GLIS3: variants seen among roughly 807,000 people sequenced by gnomAD.
GLIS3 encodes the protein zinc finger protein GLIS3.
GLIS3 carries 53 observed loss-of-function variants against 78.6 expected under a neutral mutation model. The observed-to-expected ratio is 0.67, with a 90% CI of 0.54 to 0.85. The LOEUF is 0.85. GLIS3 is among the 40% of genes least tolerant of loss of function. The pLI, the probability that GLIS3 is intolerant of heterozygous loss-of-function variation, is 0.00. For missense variants in GLIS3, 1,703 were observed against 1,231.1 expected, an observed-to-expected ratio of 1.38 and a Z score of -5.74; for synonymous variants, 684 against 509.9, an observed-to-expected ratio of 1.34 and a Z score of -4.60.
chr9:4,220,031 A>C (rs1821183367), intron 2 of GLIS3, among the ~76,000 whole-genome samples: 1 of 152,242 alleles, frequency 6.6e-6, no homozygotes, highest in South Asian at 2.1e-4. Context: ...CCAAAAAGTA[A>C]GGAATTGATC....
At chr9:4,047,430 A>T (rs1252083768) in intron 4 of GLIS3, among the ~76,000 whole-genome samples, 1 of 152,122 alleles carries the variant, frequency 6.6e-6, no homozygotes, top group Non-Finnish European at 1.5e-5. Context: ...TTATTTTTAT[A>T]TTACTTTTTT....
chr9:3,928,231 A>G (rs1467609162), intron 6 of GLIS3, among the ~76,000 whole-genome samples: 6 of 152,216 alleles, frequency 3.9e-5, no homozygotes, highest in South Asian at 2.1e-4. Context: ...TGTCTGTGAT[A>G]TGTGCCTATT....
chr9:4,381,417 C>T, the GLIS3 span, among the ~76,000 whole-genome samples: 1 of 152,190 alleles, frequency 6.6e-6, no homozygotes, highest in Admixed American at 6.5e-5. Context: ...ATCCCCAGAG[C>T]CTAACAGTAT....
chr9:4,298,570 C>G (rs950972238), intron 1 of GLIS3: 1 of 312,546 alleles, frequency 3.2e-6, no homozygotes, highest in Non-Finnish European at 6.4e-6. Context: ...CGACCCGGGC[C>G]GACTTCAAAA....
At chr9:4,432,576 T>C in the GLIS3 span, among the ~76,000 whole-genome samples, 1 of 152,034 alleles carries the variant, frequency 6.6e-6, no homozygotes. Context: ...ACACAAGCCT[T>C]GTGTTCCAAA....
At chr9:4,300,565 G>A (rs919422829), upstream of GLIS3, among the ~76,000 whole-genome samples, 1 of 152,156 alleles carries the variant, frequency 6.6e-6, no homozygotes, top group African/African-American at 2.4e-5. Context: ...TATAGGCAGG[G>A]AAGAGAGGAA....
At chr9:3,935,345 C>CA (rs1163021120) in intron 5 of GLIS3, among the ~76,000 whole-genome samples, 2 of 150,812 alleles carry the variant, frequency 1.3e-5, no homozygotes, top group African/African-American at 2.4e-5. Flanking sequence ...ATAATTTTTC[C>CA]AAAAAAAATA....
chr9:3,839,043 C>T (rs1280000247), intron 9 of GLIS3, among the ~76,000 whole-genome samples: 2 of 152,208 alleles, frequency 1.3e-5, no homozygotes, highest in Non-Finnish European at 2.9e-5. Flanking sequence ...ATCATACACT[C>T]ACTACCTACA....
chr9:3,840,818 C>A (rs1320069219), intron 9 of GLIS3, among the ~76,000 whole-genome samples: 4 of 152,222 alleles, frequency 2.6e-5, no homozygotes, highest in Admixed American at 1.3e-4. Context: ...CCACAGCGAG[C>A]TGCACTCTGA....
the GLIS3 span, among the ~76,000 whole-genome samples, chr9:4,407,304 A>G: frequency 6.6e-6 from 1 of 152,264 alleles, no homozygotes; most frequent in Non-Finnish European, 1.5e-5. Flanking sequence ...AAAATAAATT[A>G]AAGACTTAAA....
intron 4 of GLIS3, among the ~76,000 whole-genome samples, chr9:4,107,367 G>T (rs557892000): frequency 1.3e-5 from 2 of 152,192 alleles, no homozygotes; most frequent in East Asian, 3.9e-4. Flanking sequence ...GAGTGCTGCC[G>T]AATGGGATAA....
At chr9:4,387,132 G>C in the GLIS3 span, among the ~76,000 whole-genome samples, 1 of 152,192 alleles carries the variant, frequency 6.6e-6, no homozygotes, top group African/African-American at 2.4e-5. Flanking sequence ...TACCTACGCT[G>C]TCAGAAATGT....
At chr9:4,467,868 C>A in the GLIS3 span, among the ~76,000 whole-genome samples, 1 of 152,108 alleles carries the variant, frequency 6.6e-6, no homozygotes, top group East Asian at 1.9e-4. Flanking sequence ...TCAAACCCAT[C>A]ACAAAGAAGC....
At chr9:4,252,016 T>C (rs186341474) in intron 2 of GLIS3, among the ~76,000 whole-genome samples, 3 of 152,300 alleles carry the variant, frequency 2.0e-5, no homozygotes, top group Admixed American at 1.3e-4. Context: ...AACCGGACCT[T>C]TCTCTCTGGC....
intron 4 of GLIS3, among the ~76,000 whole-genome samples, chr9:4,106,584 C>G (rs1384210518): frequency 6.6e-6 from 1 of 152,194 alleles, no homozygotes; most frequent in South Asian, 2.1e-4. Flanking sequence ...CATAGAGGCA[C>G]ATTGTCATTT....
At chr9:4,220,961 G>C (rs1288346016) in intron 2 of GLIS3, among the ~76,000 whole-genome samples, 2 of 151,962 alleles carry the variant, frequency 1.3e-5, no homozygotes, top group Admixed American at 6.6e-5. Context: ...CTCCAGCCTG[G>C]GTTACACAGC....
intron 9 of GLIS3, among the ~76,000 whole-genome samples, chr9:3,833,221 C>G (rs1024777947): frequency 2.0e-5 from 3 of 152,176 alleles, no homozygotes; most frequent in African/African-American, 4.8e-5. Flanking sequence ...ATCACTCTAA[C>G]AGCCAACTCA....
intron 4 of GLIS3, among the ~76,000 whole-genome samples, chr9:4,003,829 A>C (rs1445986583): frequency 6.6e-6 from 1 of 152,202 alleles, no homozygotes; most frequent in Admixed American, 6.5e-5. Context: ...CAACTTTCTA[A>C]AATTCTTTCT....
At chr9:4,146,754 G>A (rs1033127829) in intron 2 of GLIS3, among the ~76,000 whole-genome samples, 2 of 152,150 alleles carry the variant, frequency 1.3e-5, no homozygotes, top group Non-Finnish European at 2.9e-5. Flanking sequence ...TGCAATTTAT[G>A]TCTTTAATGC....
Sources: gnomAD v4.1 joint callset for allele counts (sites outside exome capture counted in the v4.1 genomes callset) on GRCh38, gnomAD v4.1.1 for gene constraint, MANE v1.5 for transcripts, NCBI Gene and HGNC (gene_info 2026-07-23, HGNC 2026-07-21) for gene names.